ZNF638: variants seen among roughly 807,000 people sequenced by gnomAD.
ZNF638 encodes zinc finger protein 638.
A neutral mutation model predicts 195.6 loss-of-function variants in ZNF638; 46 were observed. That is an observed-to-expected ratio of 0.24 (90% CI 0.19 to 0.30). The LOEUF is 0.30. Among genes scored for constraint, ZNF638 ranks in the 10% least tolerant of loss-of-function variants. The probability of loss-of-function intolerance (pLI) is 1.00; values close to 1 mark genes in which losing one functional copy is unlikely to be tolerated. For synonymous variants in ZNF638, 845 were observed against 772.0 expected, an observed-to-expected ratio of 1.09 and a Z score of -1.57; for missense variants, 2,440 against 2,325.3, an observed-to-expected ratio of 1.05 and a Z score of -1.01.
chr2:71,368,153 A>G (rs1394691796), intron 6 of ZNF638, among the ~76,000 whole-genome samples: 2 of 152,170 alleles, frequency 1.3e-5, no homozygotes, highest in African/African-American at 4.8e-5. Context: ...TAAAAAATAT[A>G]AATAACATTT....
chr2:71,434,772 G>C lies in ZNF638; in HGVS notation c.5902G>C (p.Glu1968Gln). ...CATGGCCAAGCAAAGAAAGGAAAAG[G>C]AGCAGAATGAGGCTGAAGAAAGAAG... ...KFMAKQRKEK[E>Q]QNEAEERSSR The change falls in exon 28 of 28, where the codon GAG (glutamate) becomes CAG (glutamine). Residue 1968 changes from glutamate to glutamine, a missense_variant. Transcript: ENST00000264447. The C allele has an allele frequency of 6.2e-7, 1 of 1,612,026 alleles. No homozygotes were observed. Among genetic ancestry groups the C allele is most frequent in the Non-Finnish European group, 8.5e-7 (1 of 1,179,366 alleles).
At chr2:71,400,593 G>T in intron 15 of ZNF638, 75 bp downstream of exon 15, 1 of 1,306,410 alleles carries the variant, frequency 7.7e-7, no homozygotes, top group South Asian at 1.5e-5. Flanking sequence ...TATAAACCCA[G>T]GTAAAAAATT....
chr2:71,352,041 CTT>C (rs1378444299), intron 2 of ZNF638, among the ~76,000 whole-genome samples: 3 of 152,134 alleles, frequency 2.0e-5, no homozygotes, highest in Non-Finnish European at 4.4e-5. Flanking sequence ...CATCAAAAGA[CTT>C]TTATAGCCTA....
chr2:71,426,602 A>C lies in ZNF638; in HGVS notation c.4733A>C (p.Asn1578Thr). The stretch of plus-strand genomic sequence containing the variant: ...AAAAATGTTCCTTTCTCTGAACTTA[A>C]CTTAAAGAAGAAAAAGGGGAAAACT... Reference protein sequence around the residue: ...TLKNVPFSELNLKKKKGKTST... With the variant: ...TLKNVPFSELTLKKKKGKTST... Residue 1578 changes from asparagine (N) to threonine (T), a missense_variant, in exon 24 of 28, where the codon AAC becomes ACC. By Grantham distance (65) the Asn-to-Thr change is moderately conservative. Coordinates refer to ENST00000264447, the MANE Select transcript of ZNF638 (RefSeq NM_014497.5). 2 of 1,614,196 alleles carry C rather than the reference A, an allele frequency of 1.2e-6. No individual in the cohort carries two copies. The highest frequency in any genetic ancestry group is 2.7e-5 in the African/African-American group (2 of 75,064).
intron 1 of ZNF638, among the ~76,000 whole-genome samples, chr2:71,340,196 C>A (rs1436338342): frequency 6.6e-6 from 1 of 152,072 alleles, no homozygotes; most frequent in Non-Finnish European, 1.5e-5. Context: ...AATAACGTTT[C>A]TAATTTTCTG....
chr2:71,417,072 C>T (rs1431075731), intron 20 of ZNF638, among the ~76,000 whole-genome samples: 1 of 124,772 alleles, frequency 8.0e-6, no homozygotes, highest in Non-Finnish European at 1.7e-5. Flanking sequence ...GCCCCTCCCC[C>T]AGCCTCGTTG....
At chr2:71,429,152 C>A (rs2080603345) in intron 25 of ZNF638, among the ~76,000 whole-genome samples, 1 of 152,182 alleles carries the variant, frequency 6.6e-6, no homozygotes, top group South Asian at 2.1e-4. Flanking sequence ...CTCTTGCTCT[C>A]AAGGGGTTTA....
intron 2 of ZNF638, among the ~76,000 whole-genome samples, chr2:71,351,439 C>T (rs2078938815): frequency 6.6e-6 from 1 of 152,160 alleles, no homozygotes; most frequent in South Asian, 2.1e-4. Flanking sequence ...AAAGTCCTTA[C>T]AAGGGAAAGT....
intron 20 of ZNF638, among the ~76,000 whole-genome samples, chr2:71,418,007 A>G (rs2080339540): frequency 6.6e-6 from 1 of 152,328 alleles, no homozygotes; most frequent in African/African-American, 2.4e-5. Flanking sequence ...ATGTTTTGCC[A>G]TTTTGTTCAC....
chr2:71,369,164 G>GTGT (rs34000265), intron 7 of ZNF638, among the ~76,000 whole-genome samples: 39,632 of 151,434 alleles, frequency 0.26, 6,799 homozygotes, highest in African/African-American at 0.49. Flanking sequence ...GTGAAACCCC[G>GTGT]TGTCTACTAA....
Position 71,380,279 on chromosome 2 carries a change from A to G in ZNF638, c.2323A>G (p.Lys775Glu). ...ESKKVSASTLKRDADASKAVE... is the reference protein window; with the variant it reads ...ESKKVSASTLERDADASKAVE... ...AAAGAAAGTATCTGCATCTACCTTA[A>G]AGTAAGTGACTTTATGATTTCATAT... Residue 775 changes from lysine to glutamate, a missense_variant and splice_region_variant, in exon 9 of 28, where the codon AAA (lysine) becomes GAA (glutamate). Lys to Glu is a moderately conservative substitution (Grantham distance 56). Coordinates refer to ENST00000264447, the MANE Select transcript of ZNF638 (RefSeq NM_014497.5). The G allele has an allele frequency of 6.4e-7, 1 of 1,562,344 alleles. No homozygotes were observed. Among genetic ancestry groups the G allele is most frequent in the Non-Finnish European group, 8.6e-7 (1 of 1,158,432 alleles).
At chr2:71,392,955 A>C (rs2079813491) in intron 10 of ZNF638, among the ~76,000 whole-genome samples, 1 of 152,174 alleles carries the variant, frequency 6.6e-6, no homozygotes, top group East Asian at 1.9e-4. Flanking sequence ...AGTCCACACG[A>C]TACATCATTA....
At chr2:71,395,119 A>G (rs900493012) in intron 10 of ZNF638, 9 of 645,680 alleles carry the variant, frequency 1.4e-5, no homozygotes, top group South Asian at 1.1e-4. Context: ...ATAGATCTAC[A>G]TGTCCAACAA....
intron 27 of ZNF638, 128 bp from the exon 28 acceptor site, chr2:71,434,614 A>G: frequency 1.4e-6 from 1 of 732,780 alleles, no homozygotes; most frequent in Non-Finnish European, 2.2e-6. Flanking sequence ...ATGGTTATAT[A>G]AGGCACTGTG....
At position 71,395,343 on chromosome 2, in the gene ZNF638, A is replaced by G. The variant is rs2079871437; in HGVS notation, c.2378-798A>G. 7.0e-6 allele frequency: 5 copies of G among 714,574 alleles called. No homozygotes were observed. The East Asian group carries it at 8.1e-5, about 12-fold the overall frequency. 44.3% of individuals were successfully genotyped at this position (714,574 alleles called of 1,614,324 possible). On this transcript the variant is annotated intron_variant, in intron 10 of 27. Coordinates refer to ENST00000264447, the MANE Select transcript of ZNF638 (RefSeq NM_014497.5). ...CAATCAACAAAACCTGATGCAAAAA[A>G]CAAAAGGGGGAGATGTAGGAGATCA...
At chr2:71,431,511 G>A in intron 26 of ZNF638, 83 bp downstream of exon 26, 1 of 1,234,452 alleles carries the variant, frequency 8.1e-7, no homozygotes, top group Admixed American at 2.0e-5. Flanking sequence ...TGTAATCCCA[G>A]CACTTCGGGA....
Position 71,406,108 on chromosome 2 carries a change from T to C in ZNF638, c.3001-20T>C, listed in dbSNP as rs1426394077. 6.2e-7 allele frequency: 1 copy of C among 1,612,484 alleles called. No individual in the cohort carries two copies. The highest frequency in any genetic ancestry group is 1.3e-5 in the African/African-American group (1 of 74,880). On this transcript the variant is annotated intron_variant, in intron 18 of 27. Coordinates refer to ENST00000264447, the MANE Select transcript of ZNF638 (RefSeq NM_014497.5). Reference sequence around the variant, plus strand: ...GCTTCAGCTGTGGTTTTTTCTGTGCTGTCTCTTAAAAAACTACAGGCAAAC... The same window carrying C: ...GCTTCAGCTGTGGTTTTTTCTGTGCCGTCTCTTAAAAAACTACAGGCAAAC...
rs1308385931 is a variant in ZNF638 at position 71,423,505 on chromosome 2, G to T, written c.3991G>T (p.Ala1331Ser). Reference sequence around the variant, plus strand: ...GGATCTTCAAATAGGAACAGAGAAGGCTGAAAAGAATGAAGGTAGGATGGA... The same window carrying T: ...GGATCTTCAAATAGGAACAGAGAAGTCTGAAAAGAATGAAGGTAGGATGGA... The part of the protein sequence containing the change: ...RMDLQIGTEK[A>S]EKNEGRMDAE... Residue 1331 changes from alanine (A) to serine (S), a missense_variant, in exon 22 of 28, where the codon GCT becomes TCT. By Grantham distance (99) the Ala-to-Ser change is moderately conservative. Transcript: ENST00000264447. 6 of 1,613,898 alleles carry T rather than the reference G, an allele frequency of 3.7e-6. No individual in the cohort carries two copies. The highest frequency in any genetic ancestry group is 4.2e-6 in the Non-Finnish European group (5 of 1,179,984).
chr2:71,400,055 A>G, intron 13 of ZNF638, 57 bp from the exon 14 acceptor site: 3 of 1,379,852 alleles, frequency 2.2e-6, no homozygotes, highest in Non-Finnish European at 3.0e-6. Flanking sequence ...GTTTAGATTC[A>G]TTAGTTTAAT....
Sources: gnomAD v4.1 joint callset for allele counts (sites outside exome capture counted in the v4.1 genomes callset) on GRCh38, gnomAD v4.1.1 for gene constraint, MANE v1.5 for transcripts, NCBI Gene and HGNC (gene_info 2026-07-23, HGNC 2026-07-21) for gene names.